ARHGAP24: variants seen among roughly 807,000 people sequenced by gnomAD.
ARHGAP24 encodes Rho GTPase activating protein 24, also known as rho GTPase-activating protein 24.
A neutral mutation model predicts 76.4 loss-of-function variants in ARHGAP24; 50 were observed. That is an observed-to-expected ratio of 0.65 (90% CI 0.52 to 0.83). The LOEUF (loss-of-function observed/expected upper bound fraction) is 0.83. Ranked by LOEUF, ARHGAP24 falls within the 40% of genes least tolerant of loss-of-function variation. The probability of loss-of-function intolerance (pLI) is 0.00; values close to 1 mark genes in which losing one functional copy is unlikely to be tolerated. For missense variants in ARHGAP24, 930 were observed against 914.2 expected (o/e 1.02, Z -0.22); for synonymous variants, 345 against 323.3 (o/e 1.07, Z -0.72).
chr4:85,584,571 C>A (rs1252211198), intron 2 of ARHGAP24, among the ~76,000 whole-genome samples: 2 of 151,692 alleles, frequency 1.3e-5, no homozygotes, highest in African/African-American at 4.8e-5. Context: ...TGCACATGTA[C>A]CCTAAAACTT....
chr4:85,547,423 A>T lies in ARHGAP24; in HGVS notation c.-20-23099A>T, dbSNP rs7684170. 9.6e-3 allele frequency among the ~76,000 whole-genome samples: 1,448 copies of T among 150,812 alleles called. 12 individuals are homozygous for T. The highest frequency in any genetic ancestry group is 0.019 in the East Asian group (96 of 5,182). ...TTCAGGAGGCACATGATGTCAGTGT[A>T]TTCAATACTGGCAATGTAATTTTTT... On this transcript the variant is annotated intron_variant, in intron 1 of 9. Coordinates refer to ENST00000395184, the MANE Select transcript of ARHGAP24 (RefSeq NM_001025616.3).
At position 85,624,297 on chromosome 4, in the gene ARHGAP24, C is replaced by G. The variant is rs375819879; in HGVS notation, c.180+53576C>G. ...TTTTTTGGGAGTTTTTAGCATGAAG[C>G]GTTGTTGAATTTTGTCAAAGGCCTT... On this transcript the variant is annotated intron_variant, in intron 2 of 9. Transcript: ENST00000395184. 6.1e-4 allele frequency among the ~76,000 whole-genome samples: 93 copies of G among 151,980 alleles called. No homozygotes were observed. The South Asian group carries it at 0.011, about 17-fold the overall frequency.
intron 2 of ARHGAP24, among the ~76,000 whole-genome samples, chr4:85,673,099 TAAC>T (rs1722864179): frequency 6.6e-6 from 1 of 152,164 alleles, no homozygotes; most frequent in Admixed American, 6.6e-5. Context: ...GGCTTTCCCT[TAAC>T]AAGGTAAGCA....
At chr4:85,767,707 G>C (rs1726983279) in intron 3 of ARHGAP24, among the ~76,000 whole-genome samples, 1 of 152,170 alleles carries the variant, frequency 6.6e-6, no homozygotes, top group Admixed American at 6.5e-5. Context: ...TATAGTCATG[G>C]TAGAACAGAA....
At chr4:85,797,460 A>C (rs1377734753) in intron 3 of ARHGAP24, among the ~76,000 whole-genome samples, 1 of 152,252 alleles carries the variant, frequency 6.6e-6, no homozygotes, top group Non-Finnish European at 1.5e-5. Context: ...GGCGTGAGCC[A>C]CTGCGCCCGG....
intron 3 of ARHGAP24, among the ~76,000 whole-genome samples, chr4:85,799,369 G>A (rs1055113146): frequency 6.6e-6 from 1 of 152,072 alleles, no homozygotes; most frequent in Admixed American, 6.5e-5. Flanking sequence ...TAACCAACTT[G>A]AAAGAGCTTC....
Position 85,682,295 on chromosome 4 carries a change from C to T in ARHGAP24, c.181-39590C>T, listed in dbSNP as rs547409204. Among the ~76,000 whole-genome samples, 4 of 152,314 alleles carry T rather than the reference C, an allele frequency of 2.6e-5. No homozygotes were observed. In the East Asian group the frequency reaches 7.7e-4, roughly 29 times the overall value. ...ACTTTACAATTATGCCAGCAGAGTG[C>T]TCTAATTTGAAAATAGTATGCTAGT... On this transcript the variant is annotated intron_variant, in intron 2 of 9. Coordinates refer to ENST00000395184, the MANE Select transcript of ARHGAP24 (RefSeq NM_001025616.3).
chr4:85,508,698 A>G (rs1329409207), intron 1 of ARHGAP24, among the ~76,000 whole-genome samples: 2 of 152,148 alleles, frequency 1.3e-5, no homozygotes, highest in Non-Finnish European at 2.9e-5. Context: ...GGTATCACCT[A>G]TCTGCATATC....
At chr4:85,813,800 AATATATATATATTTATTTTATATAT>A (rs1389514733) in intron 3 of ARHGAP24, among the ~76,000 whole-genome samples, 6 of 125,872 alleles carry the variant, frequency 4.8e-5, no homozygotes, top group African/African-American at 1.8e-4. Context: ...TAGTTATATA[AATATATATATATTTATTTTATATAT>A]ATATATATAT....
chr4:85,809,398 G>A (rs1172564263), intron 3 of ARHGAP24, among the ~76,000 whole-genome samples: 1 of 152,098 alleles, frequency 6.6e-6, no homozygotes, highest in Non-Finnish European at 1.5e-5. Flanking sequence ...GGTGTTAATG[G>A]CAGAGTCAGC....
At chr4:85,961,901 G>A (rs944528023) in intron 5 of ARHGAP24, among the ~76,000 whole-genome samples, 9 of 152,026 alleles carry the variant, frequency 5.9e-5, no homozygotes, top group African/African-American at 1.2e-4. Flanking sequence ...CCGATTATGA[G>A]AAAAATTGTT....
chr4:85,700,861 T>C (rs1438525367), intron 2 of ARHGAP24, among the ~76,000 whole-genome samples: 1 of 152,240 alleles, frequency 6.6e-6, no homozygotes, highest in Non-Finnish European at 1.5e-5. Context: ...TGGTATATTT[T>C]CCTTTATATA....
intron 3 of ARHGAP24, among the ~76,000 whole-genome samples, chr4:85,725,320 A>G (rs1725128068): frequency 6.6e-6 from 1 of 152,200 alleles, no homozygotes; most frequent in Admixed American, 6.5e-5. Flanking sequence ...TGAAGTGCAT[A>G]TATTTACCAG....
chr4:85,842,050 G>A (rs1056964668), intron 3 of ARHGAP24, among the ~76,000 whole-genome samples: 5 of 152,104 alleles, frequency 3.3e-5, no homozygotes, highest in South Asian at 4.1e-4. Flanking sequence ...ATTGCCTGTT[G>A]AATTTGTATA....
chr4:85,721,131 C>T (rs892505398), intron 2 of ARHGAP24, among the ~76,000 whole-genome samples: 1 of 152,152 alleles, frequency 6.6e-6, no homozygotes, highest in African/African-American at 2.4e-5. Flanking sequence ...CGTGGTGGCT[C>T]ATGCCTGTAA....
At chr4:85,725,765 TTG>T (rs1383286687) in intron 3 of ARHGAP24, among the ~76,000 whole-genome samples, 9 of 152,212 alleles carry the variant, frequency 5.9e-5, no homozygotes, top group African/African-American at 2.2e-4. Flanking sequence ...GCTGCTTGCT[TTG>T]TGTTTATTCA....
chr4:85,725,312 A>G (rs1725127552), intron 3 of ARHGAP24, among the ~76,000 whole-genome samples: 1 of 152,190 alleles, frequency 6.6e-6, no homozygotes, highest in African/African-American at 2.4e-5. Context: ...ATATTTCTTG[A>G]AGTGCATATA....
At chr4:85,686,243 C>A (rs993055851) in intron 2 of ARHGAP24, among the ~76,000 whole-genome samples, 2 of 151,210 alleles carry the variant, frequency 1.3e-5, no homozygotes, top group Non-Finnish European at 3.0e-5. Flanking sequence ...GAATTGGCAC[C>A]CATATTTAAT....
chr4:85,600,518 T>A (rs1048378991), intron 2 of ARHGAP24, among the ~76,000 whole-genome samples: 41 of 152,152 alleles, frequency 2.7e-4, no homozygotes, highest in African/African-American at 9.4e-4. Flanking sequence ...AAGAAAAAGA[T>A]CTAGAAGACA....
Sources: gnomAD v4.1 joint callset for allele counts (sites outside exome capture counted in the v4.1 genomes callset) on GRCh38, gnomAD v4.1.1 for gene constraint, MANE v1.5 for transcripts, NCBI Gene and HGNC (gene_info 2026-07-23, HGNC 2026-07-21) for gene names.